The following AHDC1 variants were observed in gnomAD, a reference collection of about 807,000 sequenced individuals.
AHDC1 encodes AT-hook DNA binding motif containing 1, also known as transcription factor Gibbin.
Under a neutral mutation model 87.9 loss-of-function variants are expected in AHDC1, and 7 were observed. That is an observed-to-expected ratio of 0.08 (90% CI 0.05 to 0.15). AHDC1 has a LOEUF of 0.15. Among genes scored for constraint, AHDC1 ranks in the 10% least tolerant of loss-of-function variants. The pLI is 1.00. For missense variants in AHDC1, 1,841 were observed against 2,253.2 expected (o/e 0.82, Z 3.70); for synonymous variants, 1,051 against 1,006.8 (o/e 1.04, Z -0.83).
intron 8 of AHDC1, among the ~76,000 whole-genome samples, chr1:27,543,950 A>G (rs1295810323): frequency 2.0e-5 from 3 of 149,194 alleles, no homozygotes; most frequent in African/African-American, 7.4e-5. Flanking sequence ...CTCAAAAAGA[A>G]AAAAAAAAAA....
At chr1:27,566,639 T>G in intron 3 of AHDC1, among the ~76,000 whole-genome samples, 1 of 67,210 alleles carries the variant, frequency 1.5e-5, no homozygotes, top group African/African-American at 6.1e-5. Flanking sequence ...TGTTAGAGTG[T>G]GGGGGGAACA....
At chr1:27,599,411 G>T (rs954500691) in intron 3 of AHDC1, among the ~76,000 whole-genome samples, 2 of 151,714 alleles carry the variant, frequency 1.3e-5, no homozygotes, top group Admixed American at 6.5e-5. Context: ...CCCTCCCCTG[G>T]GGGGGCTCTG....
Position 27,551,633 on chromosome 1 carries a change from G to A in AHDC1, c.483C>T (p.Gly161=), listed in dbSNP as rs112583157. The change falls in exon 8 of 9, where the codon GGC becomes GGT. Residue 161 remains glycine, a synonymous_variant. Transcript: ENST00000673934. ...AGGAGAAGAAGCTGTACTGTAGGTC[G>A]CCGGGTGGCGGTGCAGGCGGGCGGC... ...RLSRPPAPPP[G]DLQYSFFSSP... 15,902 of 1,613,558 alleles carry A rather than the reference G, an allele frequency of 9.9e-3. 1,430 individuals are homozygous for A. In the Admixed American group the frequency reaches 0.19, roughly 19 times the overall value.
At chr1:27,591,561 T>A (rs533688820) in intron 3 of AHDC1, among the ~76,000 whole-genome samples, 1 of 152,332 alleles carries the variant, frequency 6.6e-6, no homozygotes, top group Non-Finnish European at 1.5e-5. Context: ...GGAGGAGTCC[T>A]CACAGCCACC....
At chr1:27,572,091 G>A (rs2088542702) in intron 3 of AHDC1, among the ~76,000 whole-genome samples, 1 of 151,990 alleles carries the variant, frequency 6.6e-6, no homozygotes. Context: ...AGGGGTGGGG[G>A]AGAAAAGAAA....
chr1:27,548,235 T>C lies in AHDC1; in HGVS notation c.3881A>G (p.Lys1294Arg), dbSNP rs747569048. Residue 1294 changes from lysine to arginine, a missense_variant, in exon 8 of 9, where the codon AAG becomes AGG. This residue lies in a region of AHDC1 where 505 missense variants were observed against 626.2 expected (regional missense o/e 0.81). Transcript: ENST00000673934. ...KERGGAAAKA[K>R]FIPKPQPVNP... ...GACTGGCTGTGGCTTGGGGATGAACTTGGCTTTGGCCGCTGCGCCACCCCG... is the reference window on the plus strand; with the variant it reads ...GACTGGCTGTGGCTTGGGGATGAACCTGGCTTTGGCCGCTGCGCCACCCCG... The C allele has an allele frequency of 1.4e-5, 22 of 1,612,776 alleles. No individual in the cohort carries two copies. Among genetic ancestry groups the C allele is most frequent in the Non-Finnish European group, 1.7e-5 (20 of 1,179,734 alleles).
At chr1:27,554,337 A>G (rs1157406113) in intron 5 of AHDC1, among the ~76,000 whole-genome samples, 1 of 152,156 alleles carries the variant, frequency 6.6e-6, no homozygotes, top group African/African-American at 2.4e-5. Flanking sequence ...TCACCTTCAT[A>G]GTATTCATTG....
Position 27,550,915 on chromosome 1 carries a change from G to T in AHDC1, c.1201C>A (p.Arg401=). 6.3e-7 allele frequency: 1 copy of T among 1,597,622 alleles called. No homozygotes were observed. ...GGTCCGGCGTCTGCCTTGCGTCCCC[G>T]TCCGGCTTTCCGCCGGCGACACAGG... is the stretch of plus-strand genomic sequence containing the variant. The part of the protein sequence containing the change: ...KILCRRRKAG[R]GRKADAGPEG... The change falls in exon 8 of 9, where the codon CGG becomes AGG. Residue 401 remains arginine (R), a synonymous_variant. Transcript: ENST00000673934.
At chr1:27,581,656 A>G (rs922208797) in intron 3 of AHDC1, among the ~76,000 whole-genome samples, 1 of 152,128 alleles carries the variant, frequency 6.6e-6, no homozygotes, top group African/African-American at 2.4e-5. Flanking sequence ...CCCCACCTCC[A>G]GTCACCTCCT....
chr1:27,539,376 A>G (rs2018802537), intron 8 of AHDC1, among the ~76,000 whole-genome samples: 1 of 151,502 alleles, frequency 6.6e-6, no homozygotes, highest in Non-Finnish European at 1.5e-5. Flanking sequence ...GGCTCAAGCG[A>G]TCCTCCCACC....
chr1:27,560,828 T>A lies in AHDC1; in HGVS notation c.-628-1945A>T, dbSNP rs1195873014. ...CAACGGTGCCCCAGGGTTTGTGTGG[T>A]ACCTTTGTGAAGGGCTCAGTGTGTG... On this transcript the variant is annotated intron_variant, in intron 3 of 8. Transcript: ENST00000673934. The surrounding 1 kb of genome is among the most constrained non-coding windows in gnomAD (Gnocchi z 4.1). 6.6e-6 allele frequency among the ~76,000 whole-genome samples: 1 copy of A among 152,102 alleles called. No individual in the cohort carries two copies. The highest frequency in any genetic ancestry group is 1.5e-5 in the Non-Finnish European group (1 of 68,002).
At chr1:27,576,180 C>T (rs769762145) in intron 3 of AHDC1, among the ~76,000 whole-genome samples, 16 of 152,312 alleles carry the variant, frequency 1.1e-4, no homozygotes, top group Non-Finnish European at 2.2e-4. Flanking sequence ...AACCGGCGGC[C>T]AATCACAGGC....
rs2020159582 is a variant in AHDC1 at position 27,562,940 on chromosome 1, A to G, written c.-628-4057T>C. Among the ~76,000 whole-genome samples the G allele has an allele frequency of 6.6e-6, 1 of 152,116 alleles. No homozygotes were observed. On this transcript the variant is annotated intron_variant, in intron 3 of 8. Transcript: ENST00000673934. This position sits in a 1 kb window ranked among gnomAD's most constrained non-coding sequence, Gnocchi z 4.4. ...AGTTGGTGACAACCCTCCTAACGGGATGAACTAAGCACATAACCTGTCGCT... is the reference window on the plus strand; with the variant it reads ...AGTTGGTGACAACCCTCCTAACGGGGTGAACTAAGCACATAACCTGTCGCT...
At chr1:27,572,583 C>A (rs2088568587) in intron 3 of AHDC1, among the ~76,000 whole-genome samples, 1 of 152,228 alleles carries the variant, frequency 6.6e-6, no homozygotes, top group South Asian at 2.1e-4. Flanking sequence ...GATACCCCCA[C>A]AACAGTACAT....
Position 27,547,840 on chromosome 1 carries a change from T to G in AHDC1, c.4276A>C (p.Lys1426Gln). 1.3e-6 allele frequency: 2 copies of G among 1,549,970 alleles called. No homozygotes were observed. The highest frequency in any genetic ancestry group is 1.7e-6 in the Non-Finnish European group (2 of 1,145,674). ...AGGCTGGCCCCCTGGAGTCCATGCT[T>G]GAGGGGCTCGCAGGCAGCCAGCTTT... Reference protein sequence around the residue: ...PTKLAACEPLKHGLQGASLGH... With the variant: ...PTKLAACEPLQHGLQGASLGH... The change falls in exon 8 of 9, where the codon AAG becomes CAG. Residue 1426 changes from lysine to glutamine, a missense_variant. By Grantham distance (53) the Lys-to-Gln change is moderately conservative (BLOSUM62 1). Around this residue, in one of 13 missense-constraint regions of AHDC1, gnomAD observed 505 missense variants for 626.2 expected, o/e 0.81. Coordinates refer to ENST00000673934, the MANE Select transcript of AHDC1 (RefSeq NM_001371928.1). This position sits in a 1 kb window ranked among gnomAD's most constrained non-coding sequence, Gnocchi z 4.9.
intron 3 of AHDC1, among the ~76,000 whole-genome samples, chr1:27,592,656 C>T (rs2089258712): frequency 7.0e-6 from 1 of 142,174 alleles, no homozygotes; most frequent in Non-Finnish European, 1.5e-5. Flanking sequence ...AAGGAGGGGG[C>T]TCCCCAGCTG....
At chr1:27,576,768 A>G (rs2088763566) in intron 3 of AHDC1, among the ~76,000 whole-genome samples, 1 of 151,864 alleles carries the variant, frequency 6.6e-6, no homozygotes, top group South Asian at 2.1e-4. Flanking sequence ...CACTGGGGCC[A>G]TTCCCACCTC....
Position 27,547,737 on chromosome 1 carries a change from C to A in AHDC1, c.4379G>T (p.Ser1460Ile). 1.9e-6 allele frequency: 3 copies of A among 1,592,262 alleles called. No individual in the cohort carries two copies. Among genetic ancestry groups the A allele is most frequent in the South Asian group, 1.1e-5 (1 of 89,306 alleles). Residue 1460 changes from serine (S) to isoleucine (I), a missense_variant, in exon 8 of 9, where the codon AGC becomes ATC. Physicochemically the swap from Ser to Ile is moderately radical, Grantham distance 142. Coordinates refer to ENST00000673934, the MANE Select transcript of AHDC1 (RefSeq NM_001371928.1). The surrounding 1 kb of genome is among the most constrained non-coding windows in gnomAD (Gnocchi z 4.9). ...GTACCAATAGGCTGTGCCCTTGCAG[C>A]TGGGGGAATCGTAGTGGGGCTGGCC... ...PLGQPHYDSP[S>I]CKGTAYWYPP... is the part of the protein sequence containing the mutation.
intron 8 of AHDC1, among the ~76,000 whole-genome samples, chr1:27,542,934 G>A (rs2018995448): frequency 1.3e-5 from 2 of 152,232 alleles, no homozygotes; most frequent in Non-Finnish European, 2.9e-5. Context: ...GTGCCCAGAA[G>A]AGTCAGGGCA....
Sources: gnomAD v4.1 joint callset for allele counts (sites outside exome capture counted in the v4.1 genomes callset) on GRCh38, gnomAD v4.1.1 for gene constraint, gnomAD v4.1.1 regional missense constraint, Gnocchi (gnomAD v3.1) non-coding constraint, MANE v1.5 for transcripts, NCBI Gene and HGNC (gene_info 2026-07-23, HGNC 2026-07-21) for gene names.